SORL1: variants seen among roughly 807,000 people sequenced by gnomAD.
The protein encoded by SORL1 is sortilin related receptor 1.
In SORL1, 127 loss-of-function variants were observed where a neutral mutation model predicts 273.7. The ratio of observed to expected loss-of-function variants is 0.46; its 90% CI spans 0.40 to 0.54. The LOEUF (loss-of-function observed/expected upper bound fraction) is 0.54, where lower values mean the gene tolerates loss of function less well. Ranked by LOEUF, SORL1 falls within the 20% of genes least tolerant of loss-of-function variation. The pLI is 0.00. For missense variants in SORL1, 2,494 were observed against 2,846.1 expected, an observed-to-expected ratio of 0.88 and a Z score of 2.81; for synonymous variants, 1,031 against 1,067.4, an observed-to-expected ratio of 0.97 and a Z score of 0.66.
chr11:121,495,496 C>A (rs1861616232), intron 5 of SORL1, among the ~76,000 whole-genome samples: 1 of 152,132 alleles, frequency 6.6e-6, no homozygotes, highest in Non-Finnish European at 1.5e-5. Flanking sequence ...ACACGATTAC[C>A]TTCATTATTC....
At chr11:121,591,906 G>A (rs1416493317) in intron 31 of SORL1, among the ~76,000 whole-genome samples, 2 of 152,056 alleles carry the variant, frequency 1.3e-5, no homozygotes, top group African/African-American at 4.8e-5. Context: ...GATCTCCTGG[G>A]TTCCACCCAG....
chr11:121,572,090 C>T (rs1025561113), intron 23 of SORL1, among the ~76,000 whole-genome samples: 4 of 152,186 alleles, frequency 2.6e-5, no homozygotes, highest in African/African-American at 9.7e-5. Context: ...CATAATTAGG[C>T]ACAGTGGAAG....
At chr11:121,486,629 A>G (rs1369710134) in intron 3 of SORL1, among the ~76,000 whole-genome samples, 4 of 150,920 alleles carry the variant, frequency 2.7e-5, no homozygotes, top group East Asian at 2.0e-4. Flanking sequence ...ACAGGCCCCC[A>G]CCACCATGCC....
At chr11:121,602,184 C>T (rs1003785158) in intron 32 of SORL1, among the ~76,000 whole-genome samples, 1 of 152,192 alleles carries the variant, frequency 6.6e-6, no homozygotes, top group Non-Finnish European at 1.5e-5. Context: ...AGCTTCCCCC[C>T]ACCATGGCAA....
intron 25 of SORL1, among the ~76,000 whole-genome samples, chr11:121,581,503 T>C (rs1863015128): frequency 6.6e-6 from 1 of 152,182 alleles, no homozygotes; most frequent in African/African-American, 2.4e-5. Context: ...CTTCCCTAAA[T>C]TCTTCAGTCT....
In SORL1 at chr11:121,618,905, A is replaced by G. The variant is rs1863680276; in HGVS notation, c.5724+12A>G. ...AGTATTTGTTTCTGGTAAGTTTCCC[A>G]TACCGTTTCAGTTTTTTAAGGGATG... On this transcript the variant is annotated intron_variant, in intron 42 of 47. Transcript: ENST00000260197. The G allele has an allele frequency of 1.9e-6, 3 of 1,613,904 alleles. No homozygotes were observed. Among genetic ancestry groups the G allele is most frequent in the Middle Eastern group, 3.3e-4 (2 of 6,060 alleles).
At chr11:121,532,954 G>T (rs1862222792) in intron 12 of SORL1, among the ~76,000 whole-genome samples, 1 of 151,998 alleles carries the variant, frequency 6.6e-6, no homozygotes, top group South Asian at 2.1e-4. Flanking sequence ...AAAATGCTTG[G>T]ATTACAGGTG....
chr11:121,511,961 T>A (rs1294180007), intron 6 of SORL1, among the ~76,000 whole-genome samples: 1 of 152,190 alleles, frequency 6.6e-6, no homozygotes, highest in African/African-American at 2.4e-5. Flanking sequence ...TAATAGTCAT[T>A]TGTATGATTA....
intron 1 of SORL1, among the ~76,000 whole-genome samples, chr11:121,467,638 G>T (rs1861103744): frequency 6.6e-6 from 1 of 152,062 alleles, no homozygotes; most frequent in African/African-American, 2.4e-5. Context: ...GGGAGGGGAG[G>T]AAACTTTTAG....
chr11:121,616,276 A>G (rs2134940448), intron 41 of SORL1, among the ~76,000 whole-genome samples: 1 of 152,292 alleles, frequency 6.6e-6, no homozygotes, highest in Non-Finnish European at 1.5e-5. Flanking sequence ...ATCTCAGCTC[A>G]TGCACTGGTC....
chr11:121,507,383 G>A (rs138949090), intron 6 of SORL1, among the ~76,000 whole-genome samples: 81 of 152,066 alleles, frequency 5.3e-4, no homozygotes, highest in African/African-American at 1.7e-3. Flanking sequence ...CTCTCATCTC[G>A]TCAGTGACTT....
chr11:121,606,532 G>T (rs1863475617), intron 35 of SORL1, among the ~76,000 whole-genome samples: 2 of 152,188 alleles, frequency 1.3e-5, no homozygotes, highest in African/African-American at 4.8e-5. Flanking sequence ...TGACAATTAA[G>T]ATCTCAGCAT....
At position 121,522,599 on chromosome 11, in the gene SORL1, G is replaced by A; in HGVS notation, c.1418G>A (p.Cys473Tyr). 3.1e-6 allele frequency: 5 copies of A among 1,613,852 alleles called. No homozygotes were observed. The highest frequency in any genetic ancestry group is 4.2e-6 in the Non-Finnish European group (5 of 1,179,724). ...EKINCELSQG[C>Y]SLHLAQRLSQ... ...TTGGTTGTATAGCTTTCCCAGGGCTGTTCCCTTCATCTGGCTCAGCGCCTC... is the reference window on the plus strand; with the variant it reads ...TTGGTTGTATAGCTTTCCCAGGGCTATTCCCTTCATCTGGCTCAGCGCCTC... Residue 473 changes from cysteine (C) to tyrosine (Y), a missense_variant, in exon 10 of 48, where the codon TGT (cysteine) becomes TAT (tyrosine). By Grantham distance (194) the Cys-to-Tyr change is radical (BLOSUM62 -2). Transcript: ENST00000260197.
intron 22 of SORL1, 134 bp downstream of exon 22, chr11:121,567,247 C>G (rs902139470): frequency 1.6e-5 from 12 of 744,786 alleles, no homozygotes; most frequent in Non-Finnish European, 2.6e-5. Context: ...AAAATCAAAC[C>G]TACCAGATAC....
chr11:121,600,622 A>T (rs1863373952), intron 32 of SORL1, among the ~76,000 whole-genome samples: 1 of 152,226 alleles, frequency 6.6e-6, no homozygotes, highest in Non-Finnish European at 1.5e-5. Context: ...CCTGTTTCCA[A>T]TCTGGCTTAT....
intron 12 of SORL1, among the ~76,000 whole-genome samples, chr11:121,534,366 G>A (rs931963234): frequency 2.0e-5 from 3 of 152,168 alleles, no homozygotes; most frequent in African/African-American, 7.2e-5. Flanking sequence ...CATTCTGCAC[G>A]AGCTGGAGCA....
chr11:121,538,154 T>C (rs1056417320), intron 12 of SORL1, among the ~76,000 whole-genome samples: 4 of 149,900 alleles, frequency 2.7e-5, no homozygotes, highest in Non-Finnish European at 5.9e-5. Context: ...GTTTCCATTT[T>C]TAACAGCCAT....
At chr11:121,545,062 A>C (rs1862404729) in intron 13 of SORL1, among the ~76,000 whole-genome samples, 181 bp from the exon 14 acceptor site, 1 of 152,208 alleles carries the variant, frequency 6.6e-6, no homozygotes, top group East Asian at 1.9e-4. Context: ...CGTTTCAGGT[A>C]TCCTTTTCAT....
intron 6 of SORL1, among the ~76,000 whole-genome samples, chr11:121,501,373 C>T (rs12290890): frequency 0.068 from 10,278 of 152,254 alleles, 408 homozygotes; most frequent in East Asian, 0.13. Context: ...ATTACCATTA[C>T]TTCCTTCTCC....
Sources: gnomAD v4.1 joint callset for allele counts (sites outside exome capture counted in the v4.1 genomes callset) on GRCh38, gnomAD v4.1.1 for gene constraint, MANE v1.5 for transcripts, NCBI Gene and HGNC (gene_info 2026-07-23, HGNC 2026-07-21) for gene names.